SLC25A21: variants seen among roughly 807,000 people sequenced by gnomAD.
The protein encoded by SLC25A21 is solute carrier family 25 member 21, also known as mitochondrial 2-oxodicarboxylate carrier.
A neutral mutation model predicts 43.8 loss-of-function variants in SLC25A21; 47 were observed. That is an observed-to-expected ratio of 1.07 (90% confidence interval 0.85 to 1.37). SLC25A21 has a LOEUF of 1.37. Among genes scored for constraint, SLC25A21 ranks in the 40% most tolerant of loss-of-function variants. The probability of loss-of-function intolerance (pLI) is 0.00; values close to 1 mark genes in which losing one functional copy is unlikely to be tolerated. For missense variants in SLC25A21, 352 were observed against 350.2 expected (o/e 1.00, Z -0.04); for synonymous variants, 131 against 121.3 (o/e 1.08, Z -0.52).
At chr14:36,750,316 A>G (rs1885658617) in intron 3 of SLC25A21, among the ~76,000 whole-genome samples, 1 of 152,114 alleles carries the variant, frequency 6.6e-6, no homozygotes. Flanking sequence ...GGAAGCCAAG[A>G]CTTCCTAGGA....
intron 7 of SLC25A21, among the ~76,000 whole-genome samples, chr14:36,686,922 G>A (rs1226531571): frequency 1.3e-5 from 2 of 152,142 alleles, no homozygotes; most frequent in African/African-American, 4.8e-5. Context: ...GTATCATAGT[G>A]TTCACTAGCA....
At position 36,685,050 on chromosome 14, in the gene SLC25A21, G is replaced by A. The variant is rs150614998; in HGVS notation, c.604-125C>T. The A allele has an allele frequency of 2.0e-4, 130 of 656,808 alleles. 1 individual carries two copies. Among genetic ancestry groups the A allele is most frequent in the African/African-American group, 1.9e-3 (104 of 54,862 alleles). 40.7% of individuals were successfully genotyped at this position (656,808 alleles called of 1,614,324 possible). ...CCCGGCACCCTCCTGTTATTCCAGC[G>A]GAACACATTAGGATTTCCTAGGCTG... On this transcript the variant is annotated intron_variant, in intron 7 of 9. Transcript: ENST00000331299.
At chr14:36,708,744 G>GTTTTTT (rs58837881) in intron 7 of SLC25A21, among the ~76,000 whole-genome samples, 1 of 108,446 alleles carries the variant, frequency 9.2e-6, no homozygotes, top group African/African-American at 3.6e-5. Flanking sequence ...GCTAACGTTA[G>GTTTTTT]TTTTTTTTTT....
intron 1 of SLC25A21, among the ~76,000 whole-genome samples, chr14:36,899,662 G>A (rs1383226427): frequency 6.6e-6 from 1 of 152,168 alleles, no homozygotes. Context: ...ACTCACTGTG[G>A]AAGATACAGT....
At chr14:37,101,094 T>C (rs982457131) in intron 1 of SLC25A21, among the ~76,000 whole-genome samples, 5 of 152,182 alleles carry the variant, frequency 3.3e-5, no homozygotes, top group African/African-American at 1.2e-4. Flanking sequence ...TATTGTGTAT[T>C]GAAAAATAAT....
At chr14:36,810,203 A>G (rs1888188074) in intron 3 of SLC25A21, among the ~76,000 whole-genome samples, 1 of 152,170 alleles carries the variant, frequency 6.6e-6, no homozygotes, top group South Asian at 2.1e-4. Context: ...CTCTAGAAGC[A>G]ATTATACATA....
At chr14:37,058,718 C>T (rs1961882738) in intron 1 of SLC25A21, among the ~76,000 whole-genome samples, 1 of 152,182 alleles carries the variant, frequency 6.6e-6, no homozygotes, top group Non-Finnish European at 1.5e-5. Flanking sequence ...GTTTGAAGGC[C>T]ATAGCAAGCT....
chr14:36,970,669 C>T (rs1001193325), intron 1 of SLC25A21, among the ~76,000 whole-genome samples: 6 of 152,148 alleles, frequency 3.9e-5, no homozygotes, highest in African/African-American at 1.4e-4. Flanking sequence ...CGATCCTGAG[C>T]ACTAGCATTA....
rs1204667819 is a variant in SLC25A21 at position 37,172,355 on chromosome 14, G to A, written c.-5C>T. On this transcript the variant is annotated 5_prime_UTR_variant, in exon 1 of 10. Transcript: ENST00000331299. ...GACTTCAGGCTTGGCGGACATCTTC[G>A]CCAGGCGGGAGGACAAGGGAGTGGG... 1 of 1,594,870 alleles carries A rather than the reference G, an allele frequency of 6.3e-7. No homozygotes were observed. Among genetic ancestry groups the A allele is most frequent in the East Asian group, 2.3e-5 (1 of 43,980 alleles).
At chr14:36,871,716 G>A (rs767963015) in intron 2 of SLC25A21, among the ~76,000 whole-genome samples, 9 of 152,112 alleles carry the variant, frequency 5.9e-5, no homozygotes, top group Non-Finnish European at 1.3e-4. Context: ...ACAGTATTCC[G>A]AGAGTACTGG....
At chr14:37,015,776 A>G in intron 1 of SLC25A21, among the ~76,000 whole-genome samples, 1 of 151,852 alleles carries the variant, frequency 6.6e-6, no homozygotes. Flanking sequence ...TTTGATTTGC[A>G]TTTCTCTGAT....
At chr14:36,699,088 C>T (rs1883165475) in intron 7 of SLC25A21, among the ~76,000 whole-genome samples, 1 of 150,560 alleles carries the variant, frequency 6.6e-6, no homozygotes, top group Non-Finnish European at 1.5e-5. Context: ...ATGTTGGTGA[C>T]CTACAGATGG....
chr14:37,172,498 A>G lies in SLC25A21; in HGVS notation c.-148T>C, dbSNP rs1284492621. The G allele has an allele frequency of 2.3e-6, 2 of 859,518 alleles. No individual in the cohort carries two copies. Among genetic ancestry groups the G allele is most frequent in the Non-Finnish European group, 3.9e-6 (2 of 517,916 alleles). 53.2% of individuals were successfully genotyped at this position (859,518 alleles called of 1,614,324 possible). ...AGCAGCAATCCGGCGACTGCTGGAAAGCGAGGGTTCGAGGCGCAGATTCGT... is the reference window on the plus strand; with the variant it reads ...AGCAGCAATCCGGCGACTGCTGGAAGGCGAGGGTTCGAGGCGCAGATTCGT... On this transcript the variant is annotated 5_prime_UTR_variant, in exon 1 of 10. Transcript: ENST00000331299.
intron 1 of SLC25A21, among the ~76,000 whole-genome samples, chr14:36,960,463 A>G (rs1959461532): frequency 6.6e-6 from 1 of 152,116 alleles, no homozygotes; most frequent in South Asian, 2.1e-4. Context: ...ATGTTTTTCA[A>G]ATCATAGTAA....
intron 2 of SLC25A21, among the ~76,000 whole-genome samples, chr14:36,834,868 T>C (rs712359): frequency 0.19 from 29,339 of 152,164 alleles, 3,094 homozygotes; most frequent in Middle Eastern, 0.27. Context: ...AGGTAAAGAA[T>C]AGCATAAACA....
chr14:37,145,442 T>TAC (rs779746223), intron 1 of SLC25A21, among the ~76,000 whole-genome samples: 1,777 of 145,336 alleles, frequency 0.012, 33 homozygotes, highest in African/African-American at 0.043. Flanking sequence ...AATACTAAAA[T>TAC]ACACACACAC....
intron 1 of SLC25A21, among the ~76,000 whole-genome samples, chr14:37,042,444 G>T (rs936760035): frequency 6.6e-6 from 1 of 152,022 alleles, no homozygotes; most frequent in Non-Finnish European, 1.5e-5. Flanking sequence ...AATTTTCAAA[G>T]GAATTTCTTA....
At chr14:37,162,991 G>C (rs1310474880) in intron 1 of SLC25A21, among the ~76,000 whole-genome samples, 2 of 152,124 alleles carry the variant, frequency 1.3e-5, no homozygotes, top group Non-Finnish European at 2.9e-5. Flanking sequence ...GTCCTTTGTA[G>C]GGACATGGAT....
intron 2 of SLC25A21, among the ~76,000 whole-genome samples, chr14:36,815,455 T>C (rs934252307): frequency 6.6e-6 from 1 of 152,168 alleles, no homozygotes; most frequent in Non-Finnish European, 1.5e-5. Flanking sequence ...ATTGAGGTTG[T>C]ATTACTCTAC....
Sources: allele counts gnomAD v4.1 joint callset (sites outside exome capture counted in the v4.1 genomes callset), GRCh38; gene constraint gnomAD v4.1.1; transcripts MANE v1.5; gene names NCBI Gene and HGNC (gene_info 2026-07-23, HGNC 2026-07-21).